TIAM2: variants seen among roughly 807,000 people sequenced by gnomAD.
The protein encoded by TIAM2 is rho guanine nucleotide exchange factor TIAM2.
TIAM2 carries 80 observed loss-of-function variants against 152.9 expected under a neutral mutation model. The observed-to-expected ratio is 0.52, with a 90% confidence interval of 0.44 to 0.63. The LOEUF is 0.63. Ranked by LOEUF, TIAM2 falls within the 30% of genes least tolerant of loss-of-function variation. The pLI is 0.00. For synonymous variants in TIAM2, 804 were observed against 838.0 expected (o/e 0.96, Z 0.70); for missense variants, 1,965 against 2,120.1 (o/e 0.93, Z 1.44).
intron 14 of TIAM2, among the ~76,000 whole-genome samples, chr6:155,188,866 T>C (rs927821414): frequency 6.6e-6 from 1 of 151,438 alleles, no homozygotes. Flanking sequence ...GTGTATTTAA[T>C]AGGGGACAAA....
At chr6:155,132,392 C>A (rs1779468752) in intron 4 of TIAM2, among the ~76,000 whole-genome samples, 1 of 151,564 alleles carries the variant, frequency 6.6e-6, no homozygotes, top group African/African-American at 2.4e-5. Context: ...TGTCTGCCTC[C>A]ACCACCCCCT....
At chr6:155,153,283 G>A (rs1780017946) in intron 7 of TIAM2, among the ~76,000 whole-genome samples, 1 of 151,998 alleles carries the variant, frequency 6.6e-6, no homozygotes, top group East Asian at 1.9e-4. Flanking sequence ...AGTCTTGTGA[G>A]TTTCTGGTAA....
intron 7 of TIAM2, among the ~76,000 whole-genome samples, chr6:155,154,535 A>C (rs1780059961): frequency 6.6e-6 from 1 of 152,140 alleles, no homozygotes; most frequent in Non-Finnish European, 1.5e-5. Context: ...ATCGCCTTTG[A>C]AGTTCCCAGG....
chr6:155,184,408 T>C (rs185784079), intron 14 of TIAM2, among the ~76,000 whole-genome samples: 6 of 152,338 alleles, frequency 3.9e-5, no homozygotes, highest in African/African-American at 1.4e-4. Flanking sequence ...AGGAAATCAT[T>C]TGAAGGTCTG....
chr6:155,246,362 T>C (rs774797210), intron 19 of TIAM2, among the ~76,000 whole-genome samples: 13 of 152,164 alleles, frequency 8.5e-5, no homozygotes, highest in African/African-American at 2.9e-4. Flanking sequence ...ATTTAAAAAG[T>C]GGGGTCTTAG....
intron 1 of TIAM2, among the ~76,000 whole-genome samples, chr6:154,996,038 C>A (rs1471614595): frequency 6.6e-6 from 1 of 152,144 alleles, no homozygotes; most frequent in Non-Finnish European, 1.5e-5. Context: ...CCTTTCCGAG[C>A]GCGGGAGCCA....
intron 1 of TIAM2, among the ~76,000 whole-genome samples, chr6:155,074,550 G>A (rs1369363441): frequency 1.3e-5 from 2 of 152,176 alleles, no homozygotes; most frequent in Admixed American, 6.5e-5. Context: ...GTTTCGCCAC[G>A]TGGGCCAGGT....
At chr6:155,145,709 A>G (rs1351174293) in intron 6 of TIAM2, among the ~76,000 whole-genome samples, 1 of 152,094 alleles carries the variant, frequency 6.6e-6, no homozygotes, top group East Asian at 1.9e-4. Context: ...TAGATCTCTC[A>G]TAAGGATGGT....
At chr6:155,034,246 G>T (rs1490716056) in intron 1 of TIAM2, among the ~76,000 whole-genome samples, 2 of 149,594 alleles carry the variant, frequency 1.3e-5, no homozygotes, top group African/African-American at 2.6e-5. Context: ...GGGTCCATTG[G>T]TTTTTTTGTT....
At position 155,250,686 on chromosome 6, in the gene TIAM2, C is replaced by T; in HGVS notation, c.3952-227C>T. The T allele has an allele frequency of 9.1e-6, 13 of 1,433,138 alleles. No homozygotes were observed. In the South Asian group the frequency reaches 1.5e-4, roughly 16 times the overall value. The allele number at this position is 1,433,138 out of a possible 1,614,324, so 88.8% of individuals were successfully genotyped here. A position where few individuals can be genotyped will look rare whatever the true frequency, so the allele number is the denominator to read the frequency against. ...GGCATGTCTCACCTACATGTGCGTGCACTGGAGCAAAATGCCTTCACCTTT... is the reference window on the plus strand; with the variant it reads ...GGCATGTCTCACCTACATGTGCGTGTACTGGAGCAAAATGCCTTCACCTTT... On this transcript the variant is annotated intron_variant, in intron 21 of 26. Coordinates refer to ENST00000682666, the MANE Select transcript of TIAM2 (RefSeq NM_012454.4).
intron 1 of TIAM2, among the ~76,000 whole-genome samples, chr6:155,057,188 C>A (rs1777472357): frequency 6.6e-6 from 1 of 151,510 alleles, no homozygotes; most frequent in Non-Finnish European, 1.5e-5. Context: ...GCCACCACAC[C>A]CAGCTAATGT....
In TIAM2 at chr6:155,218,571, G is replaced by A. The variant is rs1193374365; in HGVS notation, c.3168+7264G>A. ...AACCCAGTGTTGTCAAAGGAATCAC[G>A]TGAGATTATGTCCAACTAGGAGCAC... On this transcript the variant is annotated intron_variant, in intron 15 of 26. Coordinates refer to ENST00000682666, the MANE Select transcript of TIAM2 (RefSeq NM_012454.4). The surrounding 1 kb of genome is among the most constrained non-coding windows in gnomAD (Gnocchi z 4.5). Among the ~76,000 whole-genome samples the A allele has an allele frequency of 2.0e-5, 3 of 152,170 alleles. No individual in the cohort carries two copies. Among genetic ancestry groups the A allele is most frequent in the East Asian group, 1.9e-4 (1 of 5,196 alleles).
At chr6:155,207,312 C>A (rs1781620230) in intron 14 of TIAM2, among the ~76,000 whole-genome samples, 1 of 152,226 alleles carries the variant, frequency 6.6e-6, no homozygotes, top group South Asian at 2.1e-4. Flanking sequence ...GGGCACCCTC[C>A]TTTTACGGGG....
intron 19 of TIAM2, among the ~76,000 whole-genome samples, chr6:155,246,746 T>C (rs11754038): frequency 0.34 from 52,193 of 151,804 alleles, 9,661 homozygotes; most frequent in Middle Eastern, 0.5. Context: ...AATGGCTTGC[T>C]CCATTCCTCC....
chr6:155,060,151 C>A (rs1167682729), intron 1 of TIAM2, among the ~76,000 whole-genome samples: 1 of 152,148 alleles, frequency 6.6e-6, no homozygotes. Context: ...CGCCTGTAAT[C>A]CCAGCACTTT....
intron 2 of TIAM2, among the ~76,000 whole-genome samples, chr6:155,118,741 T>G (rs1779077514): frequency 1.3e-5 from 2 of 151,898 alleles, no homozygotes; most frequent in African/African-American, 4.8e-5. Flanking sequence ...GGCCTTCTCT[T>G]TCCTTTCTTC....
chr6:155,043,452 T>C (rs1484077891), intron 1 of TIAM2, among the ~76,000 whole-genome samples: 1 of 151,744 alleles, frequency 6.6e-6, no homozygotes, highest in Non-Finnish European at 1.5e-5. Flanking sequence ...GGCAACCTAG[T>C]GAGTCCCTGT....
intron 1 of TIAM2, among the ~76,000 whole-genome samples, chr6:155,066,041 T>G (rs1777686871): frequency 6.6e-6 from 1 of 152,190 alleles, no homozygotes; most frequent in African/African-American, 2.4e-5. Flanking sequence ...GCATTTAACT[T>G]TTGAAACTCT....
chr6:155,168,816 A>T, intron 9 of TIAM2: 1 of 1,524,132 alleles, frequency 6.6e-7, no homozygotes, highest in Non-Finnish European at 8.8e-7. Context: ...GGGCCATTTC[A>T]TTAGTCTTTT....
Sources: gnomAD v4.1 joint callset for allele counts (sites outside exome capture counted in the v4.1 genomes callset) on GRCh38, gnomAD v4.1.1 for gene constraint, Gnocchi (gnomAD v3.1) non-coding constraint, MANE v1.5 for transcripts, NCBI Gene and HGNC (gene_info 2026-07-23, HGNC 2026-07-21) for gene names.